FGF12: variants seen among roughly 807,000 people sequenced by gnomAD.
FGF12 encodes fibroblast growth factor 12B.
In FGF12, 14 loss-of-function variants were observed where a neutral mutation model predicts 23.6. That is an observed-to-expected ratio of 0.59 (90% CI 0.39 to 0.93). The LOEUF (loss-of-function observed/expected upper bound fraction) is 0.93, where lower values mean the gene tolerates loss of function less well. Among genes scored for constraint, FGF12 ranks in the 40% least tolerant of loss-of-function variants. The probability of loss-of-function intolerance (pLI) is 0.00; values close to 1 mark genes in which losing one functional copy is unlikely to be tolerated. For missense variants in FGF12, 175 were observed against 217.8 expected, an observed-to-expected ratio of 0.80 and a Z score of 1.24; for synonymous variants, 62 against 77.3, an observed-to-expected ratio of 0.80 and a Z score of 1.04.
intron 2 of FGF12, among the ~76,000 whole-genome samples, chr3:192,611,603 CA>C (rs1714552329): frequency 6.6e-6 from 1 of 151,928 alleles, no homozygotes; most frequent in Non-Finnish European, 1.5e-5. Context: ...CCAAGAAACT[CA>C]AAACCAAACC....
chr3:192,428,849 T>G, intron 2 of FGF12, among the ~76,000 whole-genome samples: 1 of 152,162 alleles, frequency 6.6e-6, no homozygotes, highest in East Asian at 1.9e-4. Context: ...TCTGTGAGTC[T>G]GCATATGGCA....
chr3:192,558,516 C>T (rs369990568), intron 2 of FGF12, among the ~76,000 whole-genome samples: 2 of 151,560 alleles, frequency 1.3e-5, no homozygotes, highest in South Asian at 4.2e-4. Context: ...CCAAAGTGAC[C>T]GAAAGATTTA....
chr3:192,474,289 A>C (rs759246722), intron 2 of FGF12, among the ~76,000 whole-genome samples: 1 of 152,210 alleles, frequency 6.6e-6, no homozygotes, highest in Non-Finnish European at 1.5e-5. Context: ...TTGTCAGTTC[A>C]GAATTTCTTC....
chr3:192,619,529 C>T (rs73056424), intron 2 of FGF12, among the ~76,000 whole-genome samples: 9,119 of 152,132 alleles, frequency 0.06, 930 homozygotes, highest in African/African-American at 0.21. Context: ...GGTATCATAG[C>T]CATGGCCTTT....
chr3:192,252,146 T>C (rs1385378393), intron 4 of FGF12, among the ~76,000 whole-genome samples: 1 of 151,968 alleles, frequency 6.6e-6, no homozygotes, highest in Non-Finnish European at 1.5e-5. Flanking sequence ...TTCTCTAGGA[T>C]GCGAAATATT....
chr3:192,198,430 A>G (rs1271530680), intron 4 of FGF12, among the ~76,000 whole-genome samples: 2 of 152,200 alleles, frequency 1.3e-5, no homozygotes, highest in Non-Finnish European at 2.9e-5. Flanking sequence ...CAAATGAAAA[A>G]AAAAGCTAAA....
rs563971487 is a variant in FGF12 at position 192,235,681 on chromosome 3, T to C, written c.229-65025A>G. On this transcript the variant is annotated intron_variant, in intron 4 of 5. Transcript: ENST00000445105. ...GTTCATAATAGTCTCCGGGGAATTT[T>C]TGTACCTCTGTGGGGTCAGTAGTAA... Among the ~76,000 whole-genome samples the C allele has an allele frequency of 2.0e-5, 3 of 152,288 alleles. No individual in the cohort carries two copies. In the East Asian group the frequency reaches 5.8e-4, roughly 29 times the overall value.
intron 2 of FGF12, among the ~76,000 whole-genome samples, chr3:192,724,085 A>G (rs1380507181): frequency 1.4e-5 from 2 of 147,538 alleles, no homozygotes; most frequent in Non-Finnish European, 3.0e-5. Flanking sequence ...GGAAGAAAGG[A>G]AGGAAGGAAG....
intron 2 of FGF12, among the ~76,000 whole-genome samples, chr3:192,391,117 A>C (rs1720275481): frequency 6.6e-6 from 1 of 152,214 alleles, no homozygotes; most frequent in Admixed American, 6.5e-5. Flanking sequence ...GAAAAGCATG[A>C]GCCGAAGGAG....
chr3:192,567,753 C>CTT (rs1262752888), intron 2 of FGF12, among the ~76,000 whole-genome samples: 1 of 126,120 alleles, frequency 7.9e-6, no homozygotes, highest in African/African-American at 2.9e-5. Flanking sequence ...TTCTTTCTTT[C>CTT]TTTCTTTCTT....
chr3:192,429,786 CA>C (rs1457160651), intron 2 of FGF12, among the ~76,000 whole-genome samples: 1 of 110,940 alleles, frequency 9.0e-6, no homozygotes, highest in Non-Finnish European at 2.1e-5. Context: ...CTCTTAACGC[CA>C]TTCTGGAAAA....
chr3:192,348,247 A>G (rs537924230), intron 3 of FGF12, among the ~76,000 whole-genome samples: 1 of 152,154 alleles, frequency 6.6e-6, no homozygotes. Context: ...TTCGGTCTCA[A>G]TGTCAAGGGA....
chr3:192,435,991 C>G (rs1722011816), intron 2 of FGF12, among the ~76,000 whole-genome samples: 1 of 152,212 alleles, frequency 6.6e-6, no homozygotes, highest in Non-Finnish European at 1.5e-5. Context: ...CAACACACCA[C>G]AGCGAATACG....
chr3:192,507,297 A>T (rs1185123660), intron 2 of FGF12, among the ~76,000 whole-genome samples: 3 of 150,164 alleles, frequency 2.0e-5, no homozygotes, highest in Admixed American at 2.0e-4. Context: ...GTTGTAGTTT[A>T]TACTGCCATT....
chr3:192,146,175 C>A (rs1180846995), intron 5 of FGF12, among the ~76,000 whole-genome samples: 1 of 152,112 alleles, frequency 6.6e-6, no homozygotes, highest in Non-Finnish European at 1.5e-5. Flanking sequence ...TTACAAAAAT[C>A]TCCTTTTTCA....
chr3:192,217,483 C>T (rs976739533), intron 4 of FGF12, among the ~76,000 whole-genome samples: 1 of 152,196 alleles, frequency 6.6e-6, no homozygotes. Flanking sequence ...TGGGTAAATG[C>T]TCTTTATTAG....
Position 192,142,382 on chromosome 3 carries a change from CATATTTGGAA to C in FGF12, c.*1617_*1626del, listed in dbSNP as rs1713444607. On this transcript the variant is annotated 3_prime_UTR_variant, in exon 6 of 6. Coordinates refer to ENST00000445105, the MANE Select transcript of FGF12 (RefSeq NM_004113.6). ...GCAAAGTGTATATATTTTAGGGAGTCATATTTGGAACAATACATGCTGGACAGTAGAGATA... is the reference window on the plus strand; with the variant it reads ...GCAAAGTGTATATATTTTAGGGAGTCCAATACATGCTGGACAGTAGAGATA... 6.6e-6 allele frequency: 1 copy of C among 152,444 alleles called. No individual in the cohort carries two copies. Among genetic ancestry groups the C allele is most frequent in the East Asian group, 1.9e-4 (1 of 5,190 alleles). 9.4% of individuals were successfully genotyped at this position (152,444 alleles called of 1,614,324 possible).
At chr3:192,458,941 A>C (rs1464915240) in intron 2 of FGF12, among the ~76,000 whole-genome samples, 1 of 152,158 alleles carries the variant, frequency 6.6e-6, no homozygotes, top group African/African-American at 2.4e-5. Context: ...TTCTTGCAGT[A>C]GTGAATAAGT....
At chr3:192,470,120 T>G (rs1450721841) in intron 2 of FGF12, among the ~76,000 whole-genome samples, 1 of 152,080 alleles carries the variant, frequency 6.6e-6, no homozygotes. Context: ...AAGTAGGCAA[T>G]GTGTAAGAAG....
Sources: gnomAD v4.1 joint callset for allele counts (sites outside exome capture counted in the v4.1 genomes callset) on GRCh38, gnomAD v4.1.1 for gene constraint, MANE v1.5 for transcripts, NCBI Gene and HGNC (gene_info 2026-07-23, HGNC 2026-07-21) for gene names.